The following DOCK7 variants were observed in gnomAD, a reference collection of about 807,000 sequenced individuals.
DOCK7 encodes the protein dedicator of cytokinesis protein 7.
DOCK7 carries 138 observed loss-of-function variants against 271.0 expected under a neutral mutation model. The ratio of observed to expected loss-of-function variants is 0.51; its 90% CI spans 0.44 to 0.59. The LOEUF is 0.59. Ranked by LOEUF, DOCK7 falls within the 20% of genes least tolerant of loss-of-function variation. The probability of loss-of-function intolerance (pLI) is 0.00; values close to 1 mark genes in which losing one functional copy is unlikely to be tolerated. For missense variants in DOCK7, 2,066 were observed against 2,592.4 expected, an observed-to-expected ratio of 0.80 and a Z score of 4.41; for synonymous variants, 823 against 876.1, an observed-to-expected ratio of 0.94 and a Z score of 1.07.
chr1:62,604,203 A>G, intron 14 of DOCK7: 4 of 1,613,382 alleles, frequency 2.5e-6, no homozygotes, highest in Non-Finnish European at 3.4e-6. Flanking sequence ...CACAAAGCAA[A>G]AGGACACTTC....
At chr1:62,456,599 T>C (rs958197789) in intron 49 of DOCK7, among the ~76,000 whole-genome samples, 2 of 152,014 alleles carry the variant, frequency 1.3e-5, no homozygotes, top group Non-Finnish European at 2.9e-5. Context: ...GCTTGGAGGA[T>C]TGGCCAAAAA....
chr1:62,513,651 C>A (rs749454480), intron 32 of DOCK7, 45 bp from the exon 33 acceptor site: 2 of 1,601,858 alleles, frequency 1.2e-6, no homozygotes, highest in Non-Finnish European at 1.7e-6. Context: ...AGGAAATTTT[C>A]TTCTATTTTT....
chr1:62,623,260 C>T (rs920119527), intron 12 of DOCK7, among the ~76,000 whole-genome samples: 8 of 152,146 alleles, frequency 5.3e-5, no homozygotes, highest in African/African-American at 1.2e-4. Context: ...TTGCCTGATG[C>T]ATAATTTTCT....
intron 1 of DOCK7, among the ~76,000 whole-genome samples, chr1:62,681,509 A>T (rs185783087): frequency 2.6e-5 from 4 of 151,058 alleles, no homozygotes; most frequent in Non-Finnish European, 5.9e-5. Context: ...CGTTATGCAC[A>T]TGTACCGTAG....
At chr1:62,667,180 C>G (rs1659414872) in intron 1 of DOCK7, among the ~76,000 whole-genome samples, 1 of 151,990 alleles carries the variant, frequency 6.6e-6, no homozygotes, top group Admixed American at 6.6e-5. Flanking sequence ...CTTCATGGGA[C>G]CAGAAGTAAA....
At chr1:62,540,419 T>C (rs536896478) in intron 25 of DOCK7, among the ~76,000 whole-genome samples, 7 of 152,246 alleles carry the variant, frequency 4.6e-5, no homozygotes, top group African/African-American at 1.7e-4. Flanking sequence ...GTGTTTCCTC[T>C]GCCTCGGCCT....
chr1:62,466,187 G>GT (rs998943461), intron 48 of DOCK7, among the ~76,000 whole-genome samples: 20 of 151,090 alleles, frequency 1.3e-4, no homozygotes, highest in African/African-American at 2.9e-4. Flanking sequence ...GCCTGAACAG[G>GT]TTTTTTTTTG....
At chr1:62,558,792 T>G (rs940775967) in intron 20 of DOCK7, among the ~76,000 whole-genome samples, 197 bp downstream of exon 20, 2 of 152,126 alleles carry the variant, frequency 1.3e-5, no homozygotes, top group African/African-American at 4.8e-5. Flanking sequence ...TTTCAGTATA[T>G]GCCTATAGAA....
intron 40 of DOCK7, among the ~76,000 whole-genome samples, chr1:62,493,989 T>C (rs1459714168): frequency 6.6e-6 from 1 of 152,100 alleles, no homozygotes; most frequent in African/African-American, 2.4e-5. Flanking sequence ...TACATTTCCA[T>C]AGATGTTAAA....
chr1:62,579,252 A>G (rs1647036942), intron 16 of DOCK7, among the ~76,000 whole-genome samples: 1 of 152,146 alleles, frequency 6.6e-6, no homozygotes, highest in South Asian at 2.1e-4. Context: ...GATCTCCATT[A>G]GATTGGAAGC....
intron 12 of DOCK7, among the ~76,000 whole-genome samples, chr1:62,621,737 A>G (rs906101160): frequency 3.3e-5 from 5 of 152,214 alleles, no homozygotes; most frequent in Admixed American, 1.3e-4. Context: ...GTGACCCAAT[A>G]TAACTAATTA....
chr1:62,586,203 C>T (rs1239835051), intron 15 of DOCK7, among the ~76,000 whole-genome samples: 4 of 152,140 alleles, frequency 2.6e-5, no homozygotes, highest in African/African-American at 9.7e-5. Flanking sequence ...ATAGAGTTCT[C>T]TAGGTGATCT....
Position 62,492,727 on chromosome 1 carries a change from G to A in DOCK7, c.5338C>T (p.Gln1780Ter). Residue 1780 changes from glutamine to a stop codon, truncating the protein, a stop_gained, in exon 41 of 50, where the codon CAA becomes TAA. Coordinates refer to ENST00000635253, the MANE Select transcript of DOCK7 (RefSeq NM_001367561.1). LOFTEE classifies it high-confidence loss of function. ...TESGLVGLLEQAAASFSMAGM... is the reference protein window; with the variant it reads ...TESGLVGLLE ...ACCATAGAGAAGGAAGCAGCTGCTT[G>A]TTCCAGTAATCCCACAAGTCCTGAC... 3.7e-6 allele frequency: 6 copies of A among 1,614,108 alleles called. No homozygotes were observed. Among genetic ancestry groups the A allele is most frequent in the Non-Finnish European group, 5.1e-6 (6 of 1,179,998 alleles).
intron 29 of DOCK7, among the ~76,000 whole-genome samples, chr1:62,534,757 G>A (rs915798576): frequency 7.2e-5 from 11 of 152,078 alleles, no homozygotes; most frequent in Admixed American, 7.2e-4. Flanking sequence ...TTTGTTTATA[G>A]GGCAATTTTT....
At chr1:62,653,370 C>T (rs189815693) in intron 4 of DOCK7, among the ~76,000 whole-genome samples, 132 of 152,232 alleles carry the variant, frequency 8.7e-4, no homozygotes, top group Admixed American at 2.4e-3. Context: ...TTTAACTTAG[C>T]TATTTAAGTT....
intron 12 of DOCK7, 144 bp downstream of exon 12, chr1:62,625,115 T>A: frequency 1.7e-6 from 1 of 600,662 alleles, no homozygotes; most frequent in Non-Finnish European, 2.7e-6. Context: ...TTCTTATAGT[T>A]GCTTTTATTA....
At chr1:62,604,241 T>C (rs1340236034) in intron 14 of DOCK7, 23 of 1,612,410 alleles carry the variant, frequency 1.4e-5, no homozygotes, top group African/African-American at 2.7e-5. Context: ...TTCAGGTATC[T>C]TTTTCTGATA....
At chr1:62,664,359 T>C (rs1659026004) in intron 1 of DOCK7, among the ~76,000 whole-genome samples, 1 of 152,104 alleles carries the variant, frequency 6.6e-6, no homozygotes, top group Admixed American at 6.5e-5. Flanking sequence ...AGAAGTCTCA[T>C]GAGATCTGAT....
chr1:62,522,339 A>C (rs960428607), intron 31 of DOCK7, among the ~76,000 whole-genome samples: 8 of 152,280 alleles, frequency 5.3e-5, no homozygotes, highest in Admixed American at 1.3e-4. Context: ...TTAGTACACA[A>C]CTATGAAGAA....
Sources: allele counts gnomAD v4.1 joint callset (sites outside exome capture counted in the v4.1 genomes callset), GRCh38; gene constraint gnomAD v4.1.1; transcripts MANE v1.5; gene names NCBI Gene and HGNC (gene_info 2026-07-23, HGNC 2026-07-21).